The following DCDC2 variants were observed in gnomAD, a reference collection of about 807,000 sequenced individuals.
DCDC2 encodes doublecortin domain-containing protein 2.
A neutral mutation model predicts 50.2 loss-of-function variants in DCDC2; 40 were observed. That is an observed-to-expected ratio of 0.80 (90% CI 0.62 to 1.04). The LOEUF (loss-of-function observed/expected upper bound fraction) is 1.04, where lower values mean the gene tolerates loss of function less well. Among genes scored for constraint, DCDC2 ranks in the 50% least tolerant of loss-of-function variants. The pLI is 0.00. For missense variants in DCDC2, 570 were observed against 581.9 expected, an observed-to-expected ratio of 0.98 and a Z score of 0.21; for synonymous variants, 234 against 210.6, an observed-to-expected ratio of 1.11 and a Z score of -0.96.
At chr6:24,379,901 A>G in the DCDC2 span, among the ~76,000 whole-genome samples, 1,709 of 152,194 alleles carry the variant, frequency 0.011, 29 homozygotes, top group African/African-American at 0.039. Flanking sequence ...AGACATGGAT[A>G]AAGCTGGAAA....
chr6:24,338,595 A>G (rs910576351), intron 2 of DCDC2, among the ~76,000 whole-genome samples: 4 of 152,180 alleles, frequency 2.6e-5, no homozygotes, highest in Non-Finnish European at 4.4e-5. Context: ...TAGCAATAAG[A>G]GTCATTGTGT....
In DCDC2 at chr6:24,293,086, G is replaced by A. The variant is rs1763786228; in HGVS notation, c.558-2008C>T. Among the ~76,000 whole-genome samples the A allele has an allele frequency of 2.0e-5, 3 of 152,188 alleles. No homozygotes were observed. In the South Asian group the frequency reaches 6.2e-4, roughly 32 times the overall value. ...AAGATTTGACTTGTTTCCTCTGCAGGTAAGTAAAACGCAGTGAATAAATTC... is the reference window on the plus strand; with the variant it reads ...AAGATTTGACTTGTTTCCTCTGCAGATAAGTAAAACGCAGTGAATAAATTC... On this transcript the variant is annotated intron_variant, in intron 4 of 9. Coordinates refer to ENST00000378454, the MANE Select transcript of DCDC2 (RefSeq NM_016356.5).
chr6:24,368,732 A>G, the DCDC2 span, among the ~76,000 whole-genome samples: 1 of 152,232 alleles, frequency 6.6e-6, no homozygotes, highest in Non-Finnish European at 1.5e-5. Context: ...GCAAGAAGGA[A>G]TGGTGAATGA....
In DCDC2 at chr6:24,270,949, C is replaced by T. The variant is rs910311441; in HGVS notation, c.922+7100G>A. 1.7e-4 allele frequency among the ~76,000 whole-genome samples: 26 copies of T among 152,068 alleles called. 1 individual carries two copies. The highest frequency in any genetic ancestry group is 1.6e-3 in the Admixed American group (24 of 15,254). On this transcript the variant is annotated intron_variant, in intron 7 of 9. Transcript: ENST00000378454. The stretch of plus-strand genomic sequence containing the variant: ...AGAAAGGTTCAGACCTGGCAGGGCA[C>T]AGTGGCTTACACCTGTAATCCCAGC...
At chr6:24,371,949 C>T in the DCDC2 span, among the ~76,000 whole-genome samples, 2 of 152,252 alleles carry the variant, frequency 1.3e-5, no homozygotes, top group East Asian at 1.9e-4. Flanking sequence ...GTTAGAATTG[C>T]GATCATTAAA....
At chr6:24,204,641 C>G (rs534555710) in intron 8 of DCDC2, among the ~76,000 whole-genome samples, 28 of 152,188 alleles carry the variant, frequency 1.8e-4, no homozygotes, top group African/African-American at 6.7e-4. Flanking sequence ...TTTAAAAATG[C>G]TTTTCTAAGT....
intron 6 of DCDC2, among the ~76,000 whole-genome samples, chr6:24,285,229 GACAAA>G (rs1470113610): frequency 6.6e-6 from 1 of 152,142 alleles, no homozygotes; most frequent in African/African-American, 2.4e-5. Flanking sequence ...TGGAAAGAGG[GACAAA>G]CTCTGCTATC....
chr6:24,277,069 G>C (rs765073671), intron 7 of DCDC2, among the ~76,000 whole-genome samples: 7 of 152,262 alleles, frequency 4.6e-5, no homozygotes, highest in Non-Finnish European at 8.8e-5. Context: ...CATTTGTGCA[G>C]CTTCCTCTAA....
At chr6:24,359,419 T>TTATATTTTATATATTATATAG (rs1561789593), upstream of DCDC2, among the ~76,000 whole-genome samples, 2 of 50,994 alleles carry the variant, frequency 3.9e-5, no homozygotes. Flanking sequence ...ATATTATATA[T>TTATATTTTATATATTATATAG]TATATATATT....
chr6:24,178,690 T>C, intron 8 of DCDC2, 58 bp from the exon 9 acceptor site: 14 of 1,467,588 alleles, frequency 9.5e-6, no homozygotes, highest in Non-Finnish European at 1.3e-5. Context: ...ACATTTCCAC[T>C]GCACATCATA....
At chr6:24,378,852 T>C in the DCDC2 span, among the ~76,000 whole-genome samples, 3 of 149,832 alleles carry the variant, frequency 2.0e-5, no homozygotes, top group South Asian at 6.3e-4. Context: ...TACCTGAAGC[T>C]GAGGTGGGAG....
chr6:24,248,373 G>A (rs187184677), intron 7 of DCDC2, among the ~76,000 whole-genome samples: 6 of 152,204 alleles, frequency 3.9e-5, no homozygotes, highest in African/African-American at 1.2e-4. Context: ...TTCAAGCCCC[G>A]ATTCCTTGTC....
At chr6:24,381,858 GGA>G in the DCDC2 span, among the ~76,000 whole-genome samples, 2 of 123,074 alleles carry the variant, frequency 1.6e-5, no homozygotes, top group African/African-American at 6.9e-5. Context: ...AAGGAAGGAA[GGA>G]GAAATAAAAG....
At chr6:24,347,035 C>A (rs1760278904) in intron 2 of DCDC2, among the ~76,000 whole-genome samples, 1 of 152,160 alleles carries the variant, frequency 6.6e-6, no homozygotes, top group Admixed American at 6.5e-5. Flanking sequence ...AAGAGAGGGA[C>A]AACCCCAGCT....
the DCDC2 span, among the ~76,000 whole-genome samples, chr6:24,367,111 C>T: frequency 6.6e-6 from 1 of 152,196 alleles, no homozygotes; most frequent in Non-Finnish European, 1.5e-5. Context: ...GCTGGAATTA[C>T]AGCCATGAGA....
intron 2 of DCDC2, among the ~76,000 whole-genome samples, chr6:24,345,168 G>A (rs1760232590): frequency 6.6e-6 from 1 of 152,122 alleles, no homozygotes; most frequent in Non-Finnish European, 1.5e-5. Context: ...AGGTTAGTGA[G>A]TTAAACCACA....
At chr6:24,298,012 C>T (rs1471809775) in intron 4 of DCDC2, among the ~76,000 whole-genome samples, 1 of 152,118 alleles carries the variant, frequency 6.6e-6, no homozygotes, top group African/African-American at 2.4e-5. Flanking sequence ...AGCAGTGGTC[C>T]CCAACTTTTT....
intron 7 of DCDC2, among the ~76,000 whole-genome samples, chr6:24,225,769 ATT>A (rs948517631): frequency 2.0e-5 from 3 of 152,170 alleles, no homozygotes; most frequent in Non-Finnish European, 4.4e-5. Flanking sequence ...GTCTGAAATT[ATT>A]TTTTGTTTTT....
intron 7 of DCDC2, among the ~76,000 whole-genome samples, chr6:24,210,725 C>G (rs1437658123): frequency 1.3e-5 from 2 of 152,302 alleles, no homozygotes; most frequent in East Asian, 3.9e-4. Flanking sequence ...CTTAATAGAT[C>G]ATTTAAAAAG....
Sources: allele counts gnomAD v4.1 joint callset (sites outside exome capture counted in the v4.1 genomes callset), GRCh38; gene constraint gnomAD v4.1.1; transcripts MANE v1.5; gene names NCBI Gene and HGNC (gene_info 2026-07-23, HGNC 2026-07-21).